Variants in KAZN observed in about 807,000 individuals in gnomAD.
KAZN encodes the protein kazrin.
KAZN carries 40 observed loss-of-function variants against 87.4 expected under a neutral mutation model. That is an observed-to-expected ratio of 0.46 (90% CI 0.36 to 0.60). The LOEUF is 0.60. KAZN is among the 20% of genes least tolerant of loss of function. The pLI, the probability that KAZN is intolerant of heterozygous loss-of-function variation, is 0.00. For synonymous variants in KAZN, 466 were observed against 458.3 expected (o/e 1.02, Z -0.22); for missense variants, 898 against 1,073.9 (o/e 0.84, Z 2.29).
At chr1:14,009,120 T>C (rs12037059) in intron 1 of KAZN, among the ~76,000 whole-genome samples, 6 of 152,366 alleles carry the variant, frequency 3.9e-5, no homozygotes, top group South Asian at 4.1e-4. Context: ...TGTTCATCCA[T>C]GTTGTACCAT....
At chr1:13,987,148 T>G (rs1334976057) in intron 1 of KAZN, among the ~76,000 whole-genome samples, 1 of 152,090 alleles carries the variant, frequency 6.6e-6, no homozygotes, top group African/African-American at 2.4e-5. Flanking sequence ...TTTGTTGTTG[T>G]TTTTTGGTTA....
intron 2 of KAZN, among the ~76,000 whole-genome samples, chr1:14,215,895 A>C (rs1421219219): frequency 6.6e-6 from 1 of 152,216 alleles, no homozygotes; most frequent in Non-Finnish European, 1.5e-5. Context: ...TCCAACTTCT[A>C]CAGGAATAAT....
intron 2 of KAZN, among the ~76,000 whole-genome samples, chr1:14,516,058 T>TG (rs1332231723): frequency 3.3e-5 from 5 of 152,174 alleles, no homozygotes; most frequent in African/African-American, 1.2e-4. Context: ...TCCAACTGCC[T>TG]GGCCAACCAG....
intron 1 of KAZN, among the ~76,000 whole-genome samples, chr1:13,911,687 A>G (rs914514736): frequency 1.3e-5 from 2 of 152,188 alleles, no homozygotes; most frequent in Non-Finnish European, 2.9e-5. Context: ...CACAACATAC[A>G]TCACCTGGGA....
intron 1 of KAZN, among the ~76,000 whole-genome samples, chr1:14,031,890 G>A (rs1641342539): frequency 6.6e-6 from 1 of 152,138 alleles, no homozygotes; most frequent in Admixed American, 6.5e-5. Flanking sequence ...AAAGAAACTT[G>A]CTTTTCTTGT....
At chr1:14,606,679 A>G (rs1279449285) in intron 1 of KAZN, among the ~76,000 whole-genome samples, 2 of 151,980 alleles carry the variant, frequency 1.3e-5, no homozygotes, top group African/African-American at 4.8e-5. Context: ...CCAACAGAGG[A>G]CTTATTAACC....
intron 3 of KAZN, among the ~76,000 whole-genome samples, chr1:15,037,840 A>G (rs373914572): frequency 1.3e-5 from 2 of 152,274 alleles, no homozygotes; most frequent in East Asian, 3.9e-4. Context: ...AGACCTGTGC[A>G]GAAAGGAACC....
intron 1 of KAZN, among the ~76,000 whole-genome samples, chr1:14,875,482 T>TAAAA (rs34495884): frequency 1.5e-5 from 2 of 134,152 alleles, no homozygotes; most frequent in South Asian, 2.4e-4. Context: ...CTTAATTTAT[T>TAAAA]AAAAAAAAAA....
rs1417958482 is a variant in KAZN, at chr1:14,298,638, G to A, written c.249+118046G>A. 2.0e-5 allele frequency among the ~76,000 whole-genome samples: 3 copies of A among 152,116 alleles called. No individual in the cohort carries two copies. The East Asian group carries it at 5.8e-4, about 29-fold the overall frequency. ...GTTTGCAGACTAAAAGTTTGGAAAG[G>A]AATGAAAGTACACCTGGCACATGAA... is the stretch of plus-strand genomic sequence containing the variant. On this transcript the variant is annotated intron_variant, in intron 2 of 16. Coordinates refer to the KAZN transcript ENST00000636203.
chr1:14,455,652 C>G (rs565478872), intron 2 of KAZN, among the ~76,000 whole-genome samples: 12 of 152,314 alleles, frequency 7.9e-5, no homozygotes, highest in African/African-American at 2.2e-4. Context: ...AGAAGAGACA[C>G]TGAGGTGACA....
intron 1 of KAZN, among the ~76,000 whole-genome samples, chr1:14,939,901 G>C (rs1026977718): frequency 2.0e-5 from 3 of 152,168 alleles, no homozygotes; most frequent in African/African-American, 4.8e-5. Context: ...GGTTGACCTA[G>C]GGAAGTCCTC....
intron 2 of KAZN, among the ~76,000 whole-genome samples, chr1:14,210,524 C>T (rs1279113738): frequency 2.0e-5 from 3 of 152,118 alleles, no homozygotes; most frequent in Non-Finnish European, 4.4e-5. Context: ...AACCTTCTCC[C>T]TAATGAATAT....
intron 2 of KAZN, among the ~76,000 whole-genome samples, chr1:14,396,085 T>C (rs1662873520): frequency 6.7e-6 from 1 of 150,128 alleles, no homozygotes; most frequent in Non-Finnish European, 1.5e-5. Context: ...AGAGAATCGC[T>C]TGAACCCGGG....
At chr1:14,569,543 C>T (rs556579333) in intron 2 of KAZN, among the ~76,000 whole-genome samples, 2 of 151,684 alleles carry the variant, frequency 1.3e-5, no homozygotes, top group South Asian at 4.2e-4. Flanking sequence ...AGGATGGTCT[C>T]GATCTCCTGA....
chr1:14,772,994 A>G (rs72636653), intron 1 of KAZN, among the ~76,000 whole-genome samples: 13,660 of 151,920 alleles, frequency 0.09, 764 homozygotes, highest in East Asian at 0.24. Context: ...ATGGTTCCCC[A>G]CCAGCCAAGA....
At chr1:14,227,601 T>C (rs1647407270) in intron 2 of KAZN, among the ~76,000 whole-genome samples, 1 of 151,972 alleles carries the variant, frequency 6.6e-6, no homozygotes, top group African/African-American at 2.4e-5. Context: ...GCCTCCAAAG[T>C]CACCAGTATC....
chr1:14,732,195 C>T (rs1309535073), intron 1 of KAZN, among the ~76,000 whole-genome samples: 1 of 152,088 alleles, frequency 6.6e-6, no homozygotes, highest in African/African-American at 2.4e-5. Flanking sequence ...GGGTATTGGC[C>T]GTTGCTATGA....
Position 15,060,056 on chromosome 1 carries a change from C to T in KAZN, c.917-116C>T. On this transcript the variant is annotated intron_variant, in intron 5 of 14. Coordinates refer to ENST00000376030, the MANE Select transcript of KAZN (RefSeq NM_201628.3). ...GAACCAGGCAAGTCTCTTCCCTTCTCTACACCTCAGTGTTCCCATCTGTAG... is the reference window on the plus strand; with the variant it reads ...GAACCAGGCAAGTCTCTTCCCTTCTTTACACCTCAGTGTTCCCATCTGTAG... 2.9e-6 allele frequency: 4 copies of T among 1,374,546 alleles called. No homozygotes were observed. The South Asian group carries it at 4.1e-5, about 14-fold the overall frequency. 85.1% of individuals were successfully genotyped at this position (1,374,546 alleles called of 1,614,324 possible). A position where few individuals can be genotyped will look rare whatever the true frequency, so the allele number is the denominator to read the frequency against.
chr1:14,380,027 A>G (rs1661242796), intron 2 of KAZN, among the ~76,000 whole-genome samples: 1 of 152,212 alleles, frequency 6.6e-6, no homozygotes, highest in Non-Finnish European at 1.5e-5. Context: ...CTCAGAACAG[A>G]GAGACTCCAT....
Sources: gnomAD v4.1 joint callset for allele counts (sites outside exome capture counted in the v4.1 genomes callset) on GRCh38, gnomAD v4.1.1 for gene constraint, MANE v1.5 for transcripts, NCBI Gene and HGNC (gene_info 2026-07-23, HGNC 2026-07-21) for gene names.